UNC5C: variants seen among roughly 807,000 people sequenced by gnomAD.
UNC5C encodes the protein unc-5 netrin receptor C, also known as netrin receptor UNC5C.
Under a neutral mutation model 99.8 loss-of-function variants are expected in UNC5C, and 47 were observed. The observed-to-expected ratio is 0.47, with a 90% confidence interval of 0.37 to 0.60. The LOEUF is 0.60. Among genes scored for constraint, UNC5C ranks in the 20% least tolerant of loss-of-function variants. The pLI, the probability that UNC5C is intolerant of heterozygous loss-of-function variation, is 0.00. For synonymous variants in UNC5C, 487 were observed against 452.2 expected, an observed-to-expected ratio of 1.08 and a Z score of -0.98; for missense variants, 1,062 against 1,165.9, an observed-to-expected ratio of 0.91 and a Z score of 1.30.
chr4:95,215,952 CT>C, intron 10 of UNC5C, 171 bp downstream of exon 10: 1 of 506,266 alleles, frequency 2.0e-6, no homozygotes, highest in Non-Finnish European at 3.5e-6. Flanking sequence ...CGTCTGGAGC[CT>C]CAAAGACAAA....
At chr4:95,355,074 T>C (rs973824746) in intron 1 of UNC5C, among the ~76,000 whole-genome samples, 5 of 152,280 alleles carry the variant, frequency 3.3e-5, no homozygotes, top group Admixed American at 1.3e-4. Context: ...AGATTAAGAA[T>C]TGTGTAATTG....
chr4:95,248,511 C>CTT, intron 5 of UNC5C: 1 of 455,670 alleles, frequency 2.2e-6, no homozygotes, highest in Middle Eastern at 3.3e-4. Context: ...AAGAATGTTA[C>CTT]TTTCCTTCTG....
In UNC5C at chr4:95,326,432, A is replaced by C. The variant is rs1374694555; in HGVS notation, c.346+8978T>G. On this transcript the variant is annotated intron_variant, in intron 2 of 15. Coordinates refer to ENST00000453304, the MANE Select transcript of UNC5C (RefSeq NM_003728.4). ...AAAAGGCTTCAAGTAAATAGAAAGCAAACAGCTGAGCCTGAGTTCTTCTTA... is the reference window on the plus strand; with the variant it reads ...AAAAGGCTTCAAGTAAATAGAAAGCCAACAGCTGAGCCTGAGTTCTTCTTA... 2.0e-5 allele frequency among the ~76,000 whole-genome samples: 3 copies of C among 151,300 alleles called. No homozygotes were observed. The East Asian group carries it at 5.8e-4, about 29-fold the overall frequency.
chr4:95,513,756 A>AGTTT (rs1440671239), intron 1 of UNC5C, among the ~76,000 whole-genome samples: 1 of 152,166 alleles, frequency 6.6e-6, no homozygotes, highest in Non-Finnish European at 1.5e-5. Flanking sequence ...ATATTCTGGG[A>AGTTT]GTTTGAAATA....
intron 14 of UNC5C, among the ~76,000 whole-genome samples, chr4:95,179,268 A>G (rs997050277): frequency 6.6e-5 from 10 of 152,248 alleles, no homozygotes; most frequent in South Asian, 2.1e-4. Context: ...CAGGTTATGG[A>G]AAGCAGAAGA....
chr4:95,170,072 A>G, intron 15 of UNC5C, 82 bp downstream of exon 15: 1 of 1,508,284 alleles, frequency 6.6e-7, no homozygotes, highest in Non-Finnish European at 8.9e-7. Context: ...AAAAAAAATG[A>G]AGCTAACCCT....
intron 1 of UNC5C, among the ~76,000 whole-genome samples, chr4:95,498,273 T>C (rs1721681071): frequency 6.6e-6 from 1 of 152,058 alleles, no homozygotes; most frequent in Admixed American, 6.6e-5. Context: ...TGCACAACTT[T>C]GCTTACCAGT....
At chr4:95,400,620 TGACCTCAG>T (rs1201492219) in intron 1 of UNC5C, among the ~76,000 whole-genome samples, 65 of 152,284 alleles carry the variant, frequency 4.3e-4, no homozygotes, top group African/African-American at 1.5e-3. Flanking sequence ...CTCAATCTCC[TGACCTCAG>T]GATCCACTCG....
chr4:95,327,045 C>G (rs1376630408), intron 2 of UNC5C, among the ~76,000 whole-genome samples: 1 of 152,064 alleles, frequency 6.6e-6, no homozygotes, highest in East Asian at 1.9e-4. Context: ...AGAAAATTTA[C>G]CTGATTTGAA....
intron 1 of UNC5C, among the ~76,000 whole-genome samples, chr4:95,445,006 G>A (rs1432449764): frequency 6.6e-6 from 1 of 152,108 alleles, no homozygotes; most frequent in East Asian, 1.9e-4. Flanking sequence ...GACAGCTGTG[G>A]AGGCAGAGTC....
chr4:95,168,068 C>G lies in UNC5C; in HGVS notation c.*1166G>C, dbSNP rs919897350. 1.3e-5 allele frequency: 2 copies of G among 152,154 alleles called. No individual in the cohort carries two copies. Among genetic ancestry groups the G allele is most frequent in the African/African-American group, 4.8e-5 (2 of 41,414 alleles). The allele number at this position is 152,154 out of a possible 1,614,324, so 9.4% of individuals were successfully genotyped here. A position where few individuals can be genotyped will look rare whatever the true frequency, so the allele number is the denominator to read the frequency against. ...GAGTCCATTCCTCCAACCACACTGC[C>G]TCTAGAGTAGAGCACCATAGGGAGT... On this transcript the variant is annotated 3_prime_UTR_variant, in exon 16 of 16. Coordinates refer to ENST00000453304, the MANE Select transcript of UNC5C (RefSeq NM_003728.4).
chr4:95,212,820 A>G (rs1424179417), intron 10 of UNC5C, among the ~76,000 whole-genome samples: 3 of 152,122 alleles, frequency 2.0e-5, no homozygotes, highest in Admixed American at 2.0e-4. Flanking sequence ...CCTCCTTTGC[A>G]ACACTTCTAG....
At chr4:95,412,727 A>G (rs1746032350) in intron 1 of UNC5C, among the ~76,000 whole-genome samples, 1 of 152,234 alleles carries the variant, frequency 6.6e-6, no homozygotes, top group Admixed American at 6.5e-5. Flanking sequence ...ATATGTAAAT[A>G]TTCTTGTGAG....
intron 1 of UNC5C, among the ~76,000 whole-genome samples, chr4:95,413,887 T>C (rs1326071872): frequency 6.6e-5 from 10 of 152,198 alleles, no homozygotes; most frequent in Admixed American, 6.5e-4. Flanking sequence ...TCCCTGGTTG[T>C]CCTTTTCTAT....
chr4:95,536,235 C>G (rs1011193589), intron 1 of UNC5C, among the ~76,000 whole-genome samples: 2 of 151,800 alleles, frequency 1.3e-5, no homozygotes, highest in African/African-American at 4.8e-5. Flanking sequence ...GCCACCATGC[C>G]CAGCTAATTT....
chr4:95,204,040 G>A (rs1470352841), intron 11 of UNC5C, among the ~76,000 whole-genome samples: 2 of 152,050 alleles, frequency 1.3e-5, no homozygotes, highest in South Asian at 4.1e-4. Context: ...TGGTGTGTGA[G>A]CTCACAAGAA....
chr4:95,289,659 G>GA (rs1267661600), intron 3 of UNC5C, among the ~76,000 whole-genome samples: 1 of 151,926 alleles, frequency 6.6e-6, no homozygotes, highest in Non-Finnish European at 1.5e-5. Flanking sequence ...TTCTTAAAGG[G>GA]AAAAAAATGT....
intron 1 of UNC5C, among the ~76,000 whole-genome samples, chr4:95,464,086 G>A (rs181095550): frequency 6.6e-6 from 1 of 152,244 alleles, no homozygotes; most frequent in African/African-American, 2.4e-5. Flanking sequence ...TATTCACAAG[G>A]TACCATTTCT....
intron 1 of UNC5C, among the ~76,000 whole-genome samples, chr4:95,517,745 C>T (rs1722253575): frequency 6.6e-6 from 1 of 152,146 alleles, no homozygotes; most frequent in Non-Finnish European, 1.5e-5. Flanking sequence ...TTGGCATGAT[C>T]ACGTTTCTGT....
Sources: gnomAD v4.1 joint callset for allele counts (sites outside exome capture counted in the v4.1 genomes callset) on GRCh38, gnomAD v4.1.1 for gene constraint, MANE v1.5 for transcripts, NCBI Gene and HGNC (gene_info 2026-07-23, HGNC 2026-07-21) for gene names.